PSD3: variants seen among roughly 807,000 people sequenced by gnomAD.
The protein encoded by PSD3 is pleckstrin and Sec7 domain containing 3.
PSD3 carries 49 observed loss-of-function variants against 105.5 expected under a neutral mutation model. That is an observed-to-expected ratio of 0.46 (90% CI 0.37 to 0.59). PSD3 has a LOEUF of 0.59. Among genes scored for constraint, PSD3 ranks in the 20% least tolerant of loss-of-function variants. PSD3 has a pLI of 0.00. For synonymous variants in PSD3, 557 were observed against 457.8 expected (o/e 1.22, Z -2.77); for missense variants, 1,561 against 1,263.8 (o/e 1.24, Z -3.57).
At chr8:18,594,613 A>G (rs530267416) in intron 12 of PSD3, among the ~76,000 whole-genome samples, 1 of 151,020 alleles carries the variant, frequency 6.6e-6, no homozygotes, top group African/African-American at 2.4e-5. Context: ...TATAAAGCTC[A>G]ATAGCAAAAG....
chr8:18,595,663 G>A (rs1327599549), intron 12 of PSD3, among the ~76,000 whole-genome samples: 3 of 151,960 alleles, frequency 2.0e-5, no homozygotes, highest in Admixed American at 1.3e-4. Context: ...GTAAAAAACT[G>A]TCAAGAGAGA....
At chr8:18,611,425 T>A (rs1008655123) in intron 11 of PSD3, among the ~76,000 whole-genome samples, 1 of 152,148 alleles carries the variant, frequency 6.6e-6, no homozygotes, top group Non-Finnish European at 1.5e-5. Flanking sequence ...CATAATTTTT[T>A]ATTTTTTAAG....
At chr8:18,808,473 A>G (rs559533179) in intron 4 of PSD3, among the ~76,000 whole-genome samples, 218 of 152,254 alleles carry the variant, frequency 1.4e-3, no homozygotes, top group Non-Finnish European at 2.5e-3. Context: ...CTCATTCTCC[A>G]TATTTGCCCC....
intron 9 of PSD3, among the ~76,000 whole-genome samples, chr8:18,705,254 G>A (rs1003947624): frequency 1.9e-4 from 29 of 152,126 alleles, no homozygotes; most frequent in African/African-American, 6.8e-4. Context: ...TAGGCCAGGC[G>A]TGATGGCTCA....
At chr8:18,594,056 T>G (rs938224735) in intron 12 of PSD3, among the ~76,000 whole-genome samples, 1 of 140,890 alleles carries the variant, frequency 7.1e-6, no homozygotes, top group Admixed American at 7.8e-5. Context: ...CACACCAACA[T>G]GGCACATGTA....
At chr8:18,839,211 T>A (rs1814406665) in intron 4 of PSD3, among the ~76,000 whole-genome samples, 1 of 152,062 alleles carries the variant, frequency 6.6e-6, no homozygotes, top group Admixed American at 6.5e-5. Context: ...AGTGTAAATG[T>A]GGTGAGTTCA....
Position 18,767,235 on chromosome 8 carries a change from T to A in PSD3, c.2083-1697A>T, listed in dbSNP as rs535806564. On this transcript the variant is annotated intron_variant, in intron 8 of 15. Transcript: ENST00000327040. ...AAAAAGAGCAAAGATATAAACAAAC[T>A]AAGAAAACTAACAAAATTGTTATCA... Among the ~76,000 whole-genome samples, 16 of 152,268 alleles carry A rather than the reference T, an allele frequency of 1.1e-4. No homozygotes were observed. The South Asian group carries it at 2.9e-3, about 28-fold the overall frequency.
intron 1 of PSD3, among the ~76,000 whole-genome samples, chr8:18,962,030 G>C (rs1304097037): frequency 6.6e-6 from 1 of 152,100 alleles, no homozygotes; most frequent in Admixed American, 6.5e-5. Context: ...CGGATCACTT[G>C]AGGTCAGGTG....
chr8:18,751,230 TG>T (rs1404212693), intron 9 of PSD3, among the ~76,000 whole-genome samples: 6 of 152,116 alleles, frequency 3.9e-5, no homozygotes, highest in Admixed American at 2.6e-4. Context: ...AGCACAGCGC[TG>T]GTGGGCCGGC....
chr8:19,081,017 T>C (rs1829629100), intron 1 of PSD3, among the ~76,000 whole-genome samples: 1 of 152,158 alleles, frequency 6.6e-6, no homozygotes, highest in African/African-American at 2.4e-5. Context: ...TATCCTCTTA[T>C]CTTTAGCCCC....
intron 12 of PSD3, among the ~76,000 whole-genome samples, chr8:18,596,132 A>G (rs915353699): frequency 1.3e-5 from 2 of 150,786 alleles, no homozygotes; most frequent in African/African-American, 4.9e-5. Context: ...TGTGGAAATT[A>G]AGCAACATGA....
chr8:18,656,193 G>C (rs1055202093), intron 9 of PSD3, among the ~76,000 whole-genome samples: 3 of 152,092 alleles, frequency 2.0e-5, no homozygotes, highest in Non-Finnish European at 4.4e-5. Flanking sequence ...GAGTAGCTGG[G>C]ATTACAGGCG....
At chr8:18,666,335 GC>G (rs1799450827) in intron 9 of PSD3, among the ~76,000 whole-genome samples, 1 of 152,246 alleles carries the variant, frequency 6.6e-6, no homozygotes, top group East Asian at 1.9e-4. Flanking sequence ...AAAGGCGTGA[GC>G]CACCTCACCC....
At chr8:18,621,543 T>A (rs1585414144) in intron 11 of PSD3, among the ~76,000 whole-genome samples, 1 of 152,194 alleles carries the variant, frequency 6.6e-6, no homozygotes, top group Non-Finnish European at 1.5e-5. Context: ...AATCTTTTAG[T>A]CTAAATTTTG....
intron 7 of PSD3, among the ~76,000 whole-genome samples, chr8:18,799,652 G>T (rs978622525): frequency 6.6e-6 from 1 of 152,148 alleles, no homozygotes; most frequent in Non-Finnish European, 1.5e-5. Flanking sequence ...CTAGGGCTTT[G>T]CACTACAGCA....
intron 12 of PSD3, among the ~76,000 whole-genome samples, chr8:18,599,408 A>G (rs1419910542): frequency 1.3e-5 from 2 of 152,178 alleles, no homozygotes; most frequent in African/African-American, 4.8e-5. Context: ...TATCCACAAG[A>G]AATGAAATTA....
At chr8:19,067,781 C>T (rs959508506) in intron 1 of PSD3, among the ~76,000 whole-genome samples, 1 of 152,214 alleles carries the variant, frequency 6.6e-6, no homozygotes, top group African/African-American at 2.4e-5. Flanking sequence ...TTTCCTCCCA[C>T]TGGAGCCAAC....
chr8:18,759,696 A>G (rs2129442214), intron 9 of PSD3, among the ~76,000 whole-genome samples: 1 of 152,260 alleles, frequency 6.6e-6, no homozygotes, highest in Non-Finnish European at 1.5e-5. Context: ...TGTCATATCA[A>G]AATCTACAGT....
intron 1 of PSD3, chr8:19,001,757 G>A (rs921018473): frequency 6.5e-6 from 1 of 153,522 alleles, no homozygotes; most frequent in Admixed American, 6.5e-5. Context: ...GAGAAGGAAG[G>A]TATTCAGATG....
Sources: allele counts gnomAD v4.1 joint callset (sites outside exome capture counted in the v4.1 genomes callset), GRCh38; gene constraint gnomAD v4.1.1; transcripts MANE v1.5; gene names NCBI Gene and HGNC (gene_info 2026-07-23, HGNC 2026-07-21).